Variants in RIN3 observed in about 807,000 individuals in gnomAD.
RIN3 encodes RAB5 interacting protein 3.
A neutral mutation model predicts 76.3 loss-of-function variants in RIN3; 54 were observed. The ratio of observed to expected loss-of-function variants is 0.71; its 90% CI spans 0.57 to 0.89. The LOEUF is 0.89. Ranked by LOEUF, RIN3 falls within the 40% of genes least tolerant of loss-of-function variation. The pLI is 0.00. For missense variants in RIN3, 1,256 were observed against 1,322.1 expected (o/e 0.95, Z 0.78); for synonymous variants, 576 against 564.0 (o/e 1.02, Z -0.30).
chr14:92,652,142 T>C lies in RIN3; in HGVS notation c.1093T>C (p.Ser365Pro). Residue 365 changes from serine to proline, a missense_variant, in exon 6 of 10, where the codon TCC becomes CCC. By Grantham distance (74) the Ser-to-Pro change is moderately conservative (BLOSUM62 -1). This residue lies in a region of RIN3 where 610 missense variants were observed against 626.4 expected (regional missense o/e 0.97). Coordinates refer to ENST00000216487, the MANE Select transcript of RIN3 (RefSeq NM_024832.5). This position sits in a 1 kb window ranked among gnomAD's most constrained non-coding sequence, Gnocchi z 6.4. ...GGAAGCGATGAAGCCAGGGGCAGCC[T>C]CCAGTCCCTTGCAGCAGGTCCCCGC... is the stretch of plus-strand genomic sequence containing the variant. ...REEAMKPGAA[S>P]SPLQQVPAPP... is the part of the protein sequence containing the mutation. 6.2e-7 allele frequency: 1 copy of C among 1,605,706 alleles called. No homozygotes were observed. The highest frequency in any genetic ancestry group is 8.5e-7 in the Non-Finnish European group (1 of 1,177,060).
At chr14:92,631,562 A>T (rs1370249259) in intron 4 of RIN3, among the ~76,000 whole-genome samples, 2 of 151,986 alleles carry the variant, frequency 1.3e-5, no homozygotes, top group African/African-American at 4.8e-5. Flanking sequence ...ATCCTGACTC[A>T]GTGGGTCTGG....
rs1170197019 is a variant in RIN3 at position 92,681,272 on chromosome 14, T to C, written c.2468-3715T>C. On this transcript the variant is annotated intron_variant, in intron 8 of 9. Coordinates refer to ENST00000216487, the MANE Select transcript of RIN3 (RefSeq NM_024832.5). The surrounding 1 kb of genome is among the most constrained non-coding windows in gnomAD (Gnocchi z 4.7). ...CCTAGTGGCCCTGGCAGGCATTTCA[T>C]GGCCCCAAGTCAAAGAGGAAGGCTG... Among the ~76,000 whole-genome samples, 3 of 152,170 alleles carry C rather than the reference T, an allele frequency of 2.0e-5. No individual in the cohort carries two copies. The South Asian group carries it at 6.2e-4, about 32-fold the overall frequency.
chr14:92,638,381 G>A (rs959823545), intron 4 of RIN3, among the ~76,000 whole-genome samples: 2 of 152,166 alleles, frequency 1.3e-5, no homozygotes, highest in African/African-American at 4.8e-5. Flanking sequence ...TGTTGGGGGG[G>A]CAAGCCGGAA....
At chr14:92,580,776 G>A (rs768985087) in intron 3 of RIN3, among the ~76,000 whole-genome samples, 2 of 152,228 alleles carry the variant, frequency 1.3e-5, no homozygotes, top group Non-Finnish European at 2.9e-5. Flanking sequence ...TTGTGGTCCC[G>A]TCTTCCTGCC....
chr14:92,514,042 TCCA>T lies in RIN3; in HGVS notation c.44+68_44+70del. On this transcript the variant is annotated intron_variant, in intron 1 of 9. Coordinates refer to ENST00000216487, the MANE Select transcript of RIN3 (RefSeq NM_024832.5). This position sits in a 1 kb window ranked among gnomAD's most constrained non-coding sequence, Gnocchi z 7.2. The stretch of plus-strand genomic sequence containing the variant: ...ACGGCCCGCGTCCTGGCCGCCCCAC[TCCA>T]CTTCTTGTCCCAGAGAGTCCTTCGG... 9.3e-7 allele frequency: 1 copy of T among 1,075,884 alleles called. No individual in the cohort carries two copies. Among genetic ancestry groups the T allele is most frequent in the Non-Finnish European group, 1.2e-6 (1 of 844,308 alleles). The allele number at this position is 1,075,884 out of a possible 1,614,324, so 66.6% of individuals were successfully genotyped here.
chr14:92,678,942 C>T (rs1403435952), intron 8 of RIN3, among the ~76,000 whole-genome samples: 3 of 152,186 alleles, frequency 2.0e-5, no homozygotes, highest in Non-Finnish European at 4.4e-5. Context: ...AGGAAAAGGG[C>T]AGGGACATCC....
intron 1 of RIN3, among the ~76,000 whole-genome samples, chr14:92,516,408 A>G (rs1021116874): frequency 3.9e-5 from 6 of 152,150 alleles, no homozygotes; most frequent in African/African-American, 1.4e-4. Flanking sequence ...GGTGGGGCCC[A>G]CCTACAGCAG....
chr14:92,685,228 G>A lies in RIN3; in HGVS notation c.2631+78G>A, dbSNP rs749259304. 1.4e-5 allele frequency: 20 copies of A among 1,442,406 alleles called. No homozygotes were observed. Among genetic ancestry groups the A allele is most frequent in the East Asian group, 1.3e-4 (5 of 39,864 alleles). 89.4% of individuals were successfully genotyped at this position (1,442,406 alleles called of 1,614,324 possible). A position where few individuals can be genotyped will look rare whatever the true frequency, so the allele number is the denominator to read the frequency against. On this transcript the variant is annotated intron_variant, in intron 9 of 9. Transcript: ENST00000216487. The surrounding 1 kb of genome is among the most constrained non-coding windows in gnomAD (Gnocchi z 4.7). ...CCTGCTGCCTGCTGGCTAAGGAGCC[G>A]TGACATCACCTGGCTGCTCCAGCCG... is the stretch of plus-strand genomic sequence containing the variant.
At chr14:92,602,703 C>G (rs151023114) in intron 3 of RIN3, among the ~76,000 whole-genome samples, 1 of 152,076 alleles carries the variant, frequency 6.6e-6, no homozygotes, top group African/African-American at 2.4e-5. Context: ...TACGCAAAGC[C>G]CAGTGCTGGG....
chr14:92,589,354 G>A (rs141104684), intron 3 of RIN3, among the ~76,000 whole-genome samples: 109 of 152,100 alleles, frequency 7.2e-4, no homozygotes, highest in South Asian at 2.1e-3. Context: ...TCATATTGTC[G>A]CATCTTCTTT....
At chr14:92,590,466 A>G (rs1373497520) in intron 3 of RIN3, among the ~76,000 whole-genome samples, 1 of 151,984 alleles carries the variant, frequency 6.6e-6, no homozygotes, top group African/African-American at 2.4e-5. Flanking sequence ...CTCCTGCTCA[A>G]CCTAACTTGC....
In RIN3 at chr14:92,651,937, G is replaced by A. The variant is rs1276257698; in HGVS notation, c.888G>A (p.Gln296=). ...CCCTGCAGCCCTGCAGCCCAGCCCAGCCCCCTGTGCTCCCTGCTCTTGCCC... is the reference window on the plus strand; with the variant it reads ...CCCTGCAGCCCTGCAGCCCAGCCCAACCCCCTGTGCTCCCTGCTCTTGCCC... The part of the protein sequence containing the change: ...VLPLQPCSPA[Q]PPVLPALAPA... Residue 296 remains glutamine, a synonymous_variant, in exon 6 of 10, where the codon CAG becomes CAA. Coordinates refer to ENST00000216487, the MANE Select transcript of RIN3 (RefSeq NM_024832.5). The A allele has an allele frequency of 5.7e-6, 7 of 1,222,820 alleles. No individual in the cohort carries two copies. In the South Asian group the frequency reaches 6.6e-5, roughly 11 times the overall value. The allele number at this position is 1,222,820 out of a possible 1,614,324, so 75.7% of individuals were successfully genotyped here.
At chr14:92,646,809 C>T (rs1887218449) in intron 5 of RIN3, among the ~76,000 whole-genome samples, 1 of 152,210 alleles carries the variant, frequency 6.6e-6, no homozygotes, top group East Asian at 1.9e-4. Flanking sequence ...AATCTCACCC[C>T]TGCTGCAAGT....
chr14:92,558,743 C>T (rs1897669788), intron 2 of RIN3, among the ~76,000 whole-genome samples: 1 of 152,232 alleles, frequency 6.6e-6, no homozygotes, highest in Non-Finnish European at 1.5e-5. Flanking sequence ...GTGGAACACA[C>T]ATCTCGTGGT....
intron 3 of RIN3, among the ~76,000 whole-genome samples, chr14:92,579,287 T>C (rs1231795936): frequency 1.3e-5 from 2 of 152,226 alleles, no homozygotes; most frequent in African/African-American, 2.4e-5. Context: ...CGGCCTGGTC[T>C]CCAGGCAAGG....
chr14:92,572,330 A>C (rs1289865065), intron 2 of RIN3, among the ~76,000 whole-genome samples: 1 of 152,238 alleles, frequency 6.6e-6, no homozygotes, highest in African/African-American at 2.4e-5. Flanking sequence ...TGTTTCTAGA[A>C]GAAGGTCCTA....
intron 2 of RIN3, among the ~76,000 whole-genome samples, chr14:92,557,496 T>G (rs963466391): frequency 6.6e-6 from 1 of 152,218 alleles, no homozygotes; most frequent in African/African-American, 2.4e-5. Flanking sequence ...GACGTATAAG[T>G]ACAGGGCTCA....
intron 2 of RIN3, among the ~76,000 whole-genome samples, chr14:92,561,055 A>ATATATATATATATATC (rs71123360): frequency 0.011 from 898 of 79,006 alleles, 38 homozygotes; most frequent in South Asian, 0.027. Context: ...ATATATATAT[A>ATATATATATATATATC]TCTGCCATAT....
chr14:92,651,428 T>TGC (rs1887413548), intron 5 of RIN3, among the ~76,000 whole-genome samples, 154 bp from the exon 6 acceptor site: 1 of 86,256 alleles, frequency 1.2e-5, no homozygotes, highest in South Asian at 5.1e-4. Flanking sequence ...TTTGAAAGCG[T>TGC]CCAAGAGGGG....
Sources: gnomAD v4.1 joint callset for allele counts (sites outside exome capture counted in the v4.1 genomes callset) on GRCh38, gnomAD v4.1.1 for gene constraint, gnomAD v4.1.1 regional missense constraint, Gnocchi (gnomAD v3.1) non-coding constraint, MANE v1.5 for transcripts, NCBI Gene and HGNC (gene_info 2026-07-23, HGNC 2026-07-21) for gene names.